MACROD2: variants seen among roughly 807,000 people sequenced by gnomAD.
MACROD2 encodes the protein ADP-ribose glycohydrolase MACROD2.
In MACROD2, 36 loss-of-function variants were observed where a neutral mutation model predicts 70.4. The ratio of observed to expected loss-of-function variants is 0.51; its 90% CI spans 0.39 to 0.68. The LOEUF is 0.68. Among genes scored for constraint, MACROD2 ranks in the 30% least tolerant of loss-of-function variants. The pLI is 0.00. For synonymous variants in MACROD2, 172 were observed against 178.8 expected, an observed-to-expected ratio of 0.96 and a Z score of 0.30; for missense variants, 496 against 538.4, an observed-to-expected ratio of 0.92 and a Z score of 0.78.
intron 5 of MACROD2, among the ~76,000 whole-genome samples, chr20:15,007,032 T>A (rs1199588470): frequency 1.3e-5 from 2 of 151,496 alleles, no homozygotes; most frequent in Non-Finnish European, 2.9e-5. Context: ...CAAAGTAGGT[T>A]TGGGTGAGAC....
At chr20:15,923,964 C>G (rs2065451100) in intron 10 of MACROD2, among the ~76,000 whole-genome samples, 1 of 152,068 alleles carries the variant, frequency 6.6e-6, no homozygotes, top group South Asian at 2.1e-4. Flanking sequence ...CATAGACCAC[C>G]CTCTTGTTTT....
At chr20:14,441,840 A>G (rs1187891813) in intron 3 of MACROD2, among the ~76,000 whole-genome samples, 2 of 151,554 alleles carry the variant, frequency 1.3e-5, no homozygotes, top group Non-Finnish European at 2.9e-5. Flanking sequence ...TATCACTGAG[A>G]GTGTGCTGTT....
At chr20:15,898,699 A>G (rs981742376) in intron 10 of MACROD2, among the ~76,000 whole-genome samples, 2 of 152,016 alleles carry the variant, frequency 1.3e-5, no homozygotes, top group East Asian at 1.9e-4. Context: ...TCTTGAGTCT[A>G]GGTTACCTGG....
At chr20:14,501,443 A>G (rs993778978) in intron 4 of MACROD2, among the ~76,000 whole-genome samples, 2 of 151,812 alleles carry the variant, frequency 1.3e-5, no homozygotes, top group African/African-American at 4.8e-5. Flanking sequence ...TAATATGTAT[A>G]CTAGTGTTAT....
chr20:15,411,398 A>G (rs978383554), intron 6 of MACROD2, among the ~76,000 whole-genome samples: 3 of 150,644 alleles, frequency 2.0e-5, no homozygotes, highest in African/African-American at 4.9e-5. Context: ...TGCCAATGGG[A>G]AAAAAAAAAT....
rs556902500 is a variant in MACROD2, at chr20:15,451,495, C to T, written c.571+20060C>T. Among the ~76,000 whole-genome samples, 4 of 149,118 alleles carry T rather than the reference C, an allele frequency of 2.7e-5. No homozygotes were observed. The East Asian group carries it at 8.0e-4, about 30-fold the overall frequency. On this transcript the variant is annotated intron_variant, in intron 7 of 17. Transcript: ENST00000684519. ...TTTGAAATACACTCGAGAATGGGCTCTCTCCCTCTGAGGCTAAATCCAGTG... is the reference window on the plus strand; with the variant it reads ...TTTGAAATACACTCGAGAATGGGCTTTCTCCCTCTGAGGCTAAATCCAGTG...
chr20:14,581,016 A>C (rs985495909), intron 4 of MACROD2, among the ~76,000 whole-genome samples: 1 of 152,186 alleles, frequency 6.6e-6, no homozygotes, highest in Non-Finnish European at 1.5e-5. Context: ...AGTAACTATA[A>C]TACCAATCTA....
chr20:15,971,390 T>A (rs980975487), intron 13 of MACROD2, among the ~76,000 whole-genome samples: 3 of 152,112 alleles, frequency 2.0e-5, no homozygotes, highest in African/African-American at 7.2e-5. Context: ...AGAAGTCTCA[T>A]GAGATCTGAT....
At chr20:14,347,373 A>G (rs751398338) in intron 3 of MACROD2, among the ~76,000 whole-genome samples, 14 of 152,314 alleles carry the variant, frequency 9.2e-5, no homozygotes, top group East Asian at 5.8e-4. Flanking sequence ...ATAGAGGCCA[A>G]TTATGAAAAA....
At chr20:14,828,248 G>A (rs549096785) in intron 5 of MACROD2, among the ~76,000 whole-genome samples, 1 of 152,106 alleles carries the variant, frequency 6.6e-6, no homozygotes, top group East Asian at 1.9e-4. Flanking sequence ...ACTTGCTATT[G>A]GAAGTTGGTT....
intron 8 of MACROD2, among the ~76,000 whole-genome samples, chr20:15,701,867 C>T (rs1471462631): frequency 6.6e-6 from 1 of 152,136 alleles, no homozygotes; most frequent in African/African-American, 2.4e-5. Context: ...TCTTTATATC[C>T]ACGAGTACTC....
intron 5 of MACROD2, among the ~76,000 whole-genome samples, chr20:14,908,521 G>T (rs1410146051): frequency 6.6e-6 from 1 of 151,874 alleles, no homozygotes; most frequent in Non-Finnish European, 1.5e-5. Flanking sequence ...CGGACTTGTT[G>T]TCAAACACCT....
At chr20:15,797,448 G>T (rs2063685188) in intron 8 of MACROD2, among the ~76,000 whole-genome samples, 1 of 152,106 alleles carries the variant, frequency 6.6e-6, no homozygotes, top group South Asian at 2.1e-4. Context: ...TGACCCCATG[G>T]TTACAAAGTA....
chr20:14,629,842 C>A (rs1242191920), intron 4 of MACROD2, among the ~76,000 whole-genome samples: 1 of 152,074 alleles, frequency 6.6e-6, no homozygotes, highest in Non-Finnish European at 1.5e-5. Context: ...CTTAATTTTT[C>A]TAATTTTCAA....
chr20:14,592,867 T>C (rs6074764), intron 4 of MACROD2, among the ~76,000 whole-genome samples: 1 of 152,098 alleles, frequency 6.6e-6, no homozygotes, highest in Non-Finnish European at 1.5e-5. Flanking sequence ...TGCTGTCAGG[T>C]CATTTCTTAA....
chr20:15,824,112 G>T (rs986285419), intron 8 of MACROD2, among the ~76,000 whole-genome samples: 7 of 152,164 alleles, frequency 4.6e-5, no homozygotes, highest in African/African-American at 1.7e-4. Flanking sequence ...GTCAGTGATG[G>T]ACTTGAATTG....
chr20:15,837,153 A>G (rs2064123322), intron 8 of MACROD2, among the ~76,000 whole-genome samples: 1 of 152,202 alleles, frequency 6.6e-6, no homozygotes, highest in African/African-American at 2.4e-5. Context: ...ACGAAAAAAA[A>G]GATATTAAAG....
At chr20:14,275,885 C>G (rs1170295435) in intron 3 of MACROD2, among the ~76,000 whole-genome samples, 1 of 152,206 alleles carries the variant, frequency 6.6e-6, no homozygotes, top group Admixed American at 6.5e-5. Flanking sequence ...AAATGCTCAC[C>G]ATCACTGGCC....
At chr20:15,623,576 T>G (rs2049157642) in intron 8 of MACROD2, among the ~76,000 whole-genome samples, 1 of 152,148 alleles carries the variant, frequency 6.6e-6, no homozygotes, top group Non-Finnish European at 1.5e-5. Flanking sequence ...AGGAGCTAGA[T>G]TCACAGATAT....
Sources: allele counts gnomAD v4.1 joint callset (sites outside exome capture counted in the v4.1 genomes callset), GRCh38; gene constraint gnomAD v4.1.1; transcripts MANE v1.5; gene names NCBI Gene and HGNC (gene_info 2026-07-23, HGNC 2026-07-21).